Variants in OR2A14 observed in about 807,000 individuals in gnomAD.
OR2A14 encodes the protein olfactory receptor 2A14.
Under a neutral mutation model 2.4 loss-of-function variants are expected in OR2A14, and 2 were observed. That is an observed-to-expected ratio of 0.85 (90% CI 0.35 to 2.67). The LOEUF is 2.67. Among genes scored for constraint, OR2A14 ranks in the 30% most tolerant of loss-of-function variants. OR2A14 has a pLI of 0.10. For missense variants in OR2A14, 390 were observed against 379.4 expected (o/e 1.03, Z -0.23); for synonymous variants, 160 against 156.3 (o/e 1.02, Z -0.18).
Position 144,124,677 on chromosome 7 carries a change from C to T in OR2A14, c.-35+1413C>T, listed in dbSNP as rs191832565. 2.3e-3 allele frequency among the ~76,000 whole-genome samples: 351 copies of T among 152,124 alleles called. 2 individuals are homozygous for T. Among genetic ancestry groups the T allele is most frequent in the African/African-American group, 7.5e-3 (310 of 41,482 alleles). On this transcript the variant is annotated intron_variant, in intron 1 of 1. Coordinates refer to ENST00000641068, the MANE Select transcript of OR2A14 (RefSeq NM_001001659.3). ...GTGTCAGTGCTAAACACCCTAAATA[C>T]GCCCCCCTTTTCTTTCCAAAAAATT...
rs372256920 is a variant in OR2A14, at chr7:144,129,847, C to A, written c.735C>A (p.Cys245Ter). Residue 245 changes from cysteine (C) to a stop codon, truncating the protein, a stop_gained, in exon 2 of 2, where the codon TGC (cysteine) becomes TGA (stop). Transcript: ENST00000641068. LOFTEE classifies it high-confidence loss of function. ...KAFSTCSSHL[C>*]VVGLFFGSAI... ...TCTCCACCTGCTCCTCCCACCTTTG[C>A]GTGGTGGGACTCTTCTTTGGCAGCG... The A allele has an allele frequency of 3.1e-6, 5 of 1,614,106 alleles. No homozygotes were observed. Among genetic ancestry groups the A allele is most frequent in the African/African-American group, 2.7e-5 (2 of 74,944 alleles).
In OR2A14 at chr7:144,129,512, C is replaced by G; in HGVS notation, c.400C>G (p.Leu134Val). The change falls in exon 2 of 2, where the codon CTC (leucine) becomes GTC (valine). Residue 134 changes from leucine (L) to valine (V), a missense_variant. By Grantham distance (32) the Leu-to-Val change is conservative. Transcript: ENST00000641068. ...DICHPLRYNS[L>V]MSWRVCTVLA... is the part of the protein sequence containing the mutation. Reference sequence around the variant, plus strand: ...CTGCCACCCCTTACGTTACAATAGCCTCATGAGCTGGAGAGTGTGCACTGT... The same window carrying G: ...CTGCCACCCCTTACGTTACAATAGCGTCATGAGCTGGAGAGTGTGCACTGT... 1 of 1,614,158 alleles carries G rather than the reference C, an allele frequency of 6.2e-7. No individual in the cohort carries two copies. The highest frequency in any genetic ancestry group is 8.5e-7 in the Non-Finnish European group (1 of 1,180,018).
intron 1 of OR2A14, among the ~76,000 whole-genome samples, chr7:144,126,918 A>G (rs2051486194): frequency 6.6e-6 from 1 of 152,102 alleles, no homozygotes; most frequent in East Asian, 1.9e-4. Flanking sequence ...TCCCAAGCAG[A>G]TAGAAATGCA....
chr7:144,126,134 T>A lies in OR2A14; in HGVS notation c.-35+2870T>A, dbSNP rs546182912. Reference sequence around the variant, plus strand: ...GACAACTACCATTCTGGCATTAAAATTATATTGTGCAGAAAATTAAACAGT... The same window carrying A: ...GACAACTACCATTCTGGCATTAAAAATATATTGTGCAGAAAATTAAACAGT... On this transcript the variant is annotated intron_variant, in intron 1 of 1. Coordinates refer to ENST00000641068, the MANE Select transcript of OR2A14 (RefSeq NM_001001659.3). Among the ~76,000 whole-genome samples, 15 of 152,342 alleles carry A rather than the reference T, an allele frequency of 9.8e-5. No homozygotes were observed. In the East Asian group the frequency reaches 2.9e-3, roughly 29 times the overall value.
rs2961160 is a variant in OR2A14 at position 144,129,510 on chromosome 7, G to T, written c.398G>T (p.Ser133Ile). Reference sequence around the variant, plus strand: ...ATCTGCCACCCCTTACGTTACAATAGCCTCATGAGCTGGAGAGTGTGCACT... The same window carrying T: ...ATCTGCCACCCCTTACGTTACAATATCCTCATGAGCTGGAGAGTGTGCACT... ...ADICHPLRYN[S>I]LMSWRVCTVL... The change falls in exon 2 of 2, where the codon AGC (serine) becomes ATC (isoleucine). Residue 133 changes from serine to isoleucine, a missense_variant. Coordinates refer to ENST00000641068, the MANE Select transcript of OR2A14 (RefSeq NM_001001659.3). 893,659 of 1,613,308 alleles carry T rather than the reference G, an allele frequency of 0.55. 252,543 individuals carry two copies. Among genetic ancestry groups the T allele is most frequent in the Admixed American group, 0.75 (45,249 of 60,004 alleles).
intron 1 of OR2A14, among the ~76,000 whole-genome samples, 181 bp downstream of exon 1, chr7:144,123,445 T>C (rs1207566687): frequency 6.6e-6 from 1 of 152,160 alleles, no homozygotes; most frequent in Non-Finnish European, 1.5e-5. Context: ...GGGGCCACCG[T>C]CTATCCCAGG....
Position 144,129,111 on chromosome 7 carries a change from G to A in OR2A14, c.-2G>A. On this transcript the variant is annotated 5_prime_UTR_variant, in exon 2 of 2. Transcript: ENST00000641068. ...CTTCCTGTCCTAGATGTCCACAAGA[G>A]CATGGAAGGCAACAAGACATGGATC... is the stretch of plus-strand genomic sequence containing the variant. The A allele has an allele frequency of 6.2e-7, 1 of 1,610,650 alleles. No individual in the cohort carries two copies. Among genetic ancestry groups the A allele is most frequent in the Non-Finnish European group, 8.5e-7 (1 of 1,177,778 alleles).
chr7:144,130,270 T>C lies in OR2A14; in HGVS notation c.*225T>C, dbSNP rs2051522446. On this transcript the variant is annotated 3_prime_UTR_variant, in exon 2 of 2. Coordinates refer to ENST00000641068, the MANE Select transcript of OR2A14 (RefSeq NM_001001659.3). Reference sequence around the variant, plus strand: ...AAGAAGACACAAAAGTCCCTAGATATAAAATTTTTAAGTTCGATAAATATA... The same window carrying C: ...AAGAAGACACAAAAGTCCCTAGATACAAAATTTTTAAGTTCGATAAATATA... 1.0e-5 allele frequency: 4 copies of C among 382,002 alleles called. No homozygotes were observed. The South Asian group carries it at 1.8e-4, about 18-fold the overall frequency. 23.7% of individuals were successfully genotyped at this position (382,002 alleles called of 1,614,324 possible).
In OR2A14 at chr7:144,130,028, A is replaced by G. The variant is rs376568663; in HGVS notation, c.916A>G (p.Lys306Glu). Residue 306 changes from lysine to glutamate, a missense_variant, in exon 2 of 2, where the codon AAG becomes GAG. Transcript: ENST00000641068. ...GGGCGCCCTGAGGAGGGCACTGAGG[A>G]AGGAGAGGCTGACGTGAGACATCTC... is the stretch of plus-strand genomic sequence containing the variant. ...VKGALRRALRKERLT is the reference protein window; with the variant it reads ...VKGALRRALREERLT The G allele has an allele frequency of 5.5e-5, 89 of 1,611,934 alleles. No individual in the cohort carries two copies. The highest frequency in any genetic ancestry group is 7.4e-5 in the Non-Finnish European group (87 of 1,178,512).
In OR2A14 at chr7:144,130,154, A is replaced by G; in HGVS notation, c.*109A>G. 1.2e-6 allele frequency: 1 copy of G among 815,150 alleles called. No homozygotes were observed. The highest frequency in any genetic ancestry group is 2.0e-6 in the Non-Finnish European group (1 of 509,198). The allele number at this position is 815,150 out of a possible 1,614,324, so 50.5% of individuals were successfully genotyped here. Reference sequence around the variant, plus strand: ...AATAAATGCTACCTTAAACTGGAATACTATAGACCTATACATATAAACTGA... The same window carrying G: ...AATAAATGCTACCTTAAACTGGAATGCTATAGACCTATACATATAAACTGA... On this transcript the variant is annotated 3_prime_UTR_variant, in exon 2 of 2. Transcript: ENST00000641068.
intron 1 of OR2A14, among the ~76,000 whole-genome samples, chr7:144,124,416 C>A (rs1372396373): frequency 7.0e-6 from 1 of 141,978 alleles, no homozygotes; most frequent in African/African-American, 2.6e-5. Flanking sequence ...GAGCCGAGAT[C>A]TCACCATTGC....
chr7:144,125,418 T>C (rs187666182), intron 1 of OR2A14, among the ~76,000 whole-genome samples: 1 of 152,360 alleles, frequency 6.6e-6, no homozygotes, highest in East Asian at 1.9e-4. Context: ...TGATTCTTTA[T>C]TGAACTTCCA....
chr7:144,129,199 T>C lies in OR2A14; in HGVS notation c.87T>C (p.Leu29=), dbSNP rs780095799. ...CACTGGAGATTCTCCTCTGTGGACTTTTCTCTGCCTTCTATACACTCACCC... is the reference window on the plus strand; with the variant it reads ...CACTGGAGATTCTCCTCTGTGGACTCTTCTCTGCCTTCTATACACTCACCC... ...GPALEILLCG[L]FSAFYTLTLL... The change falls in exon 2 of 2, where the codon CTT becomes CTC. Residue 29 remains leucine (L), a synonymous_variant. Transcript: ENST00000641068. The C allele has an allele frequency of 3.1e-6, 5 of 1,613,270 alleles. No individual in the cohort carries two copies. Among genetic ancestry groups the C allele is most frequent in the Non-Finnish European group, 4.2e-6 (5 of 1,180,000 alleles).
chr7:144,126,307 A>G (rs994311383), intron 1 of OR2A14, among the ~76,000 whole-genome samples: 2 of 152,212 alleles, frequency 1.3e-5, no homozygotes, highest in Admixed American at 1.3e-4. Flanking sequence ...TCAATTTCAG[A>G]TTGTTAAAAA....
At chr7:144,125,877 T>A (rs1166323239) in intron 1 of OR2A14, among the ~76,000 whole-genome samples, 1 of 152,218 alleles carries the variant, frequency 6.6e-6, no homozygotes, top group East Asian at 1.9e-4. Context: ...ATTGTATTTA[T>A]TTGGTAATGA....
At chr7:144,124,287 A>AC (rs1228114940) in intron 1 of OR2A14, among the ~76,000 whole-genome samples, 2 of 152,122 alleles carry the variant, frequency 1.3e-5, no homozygotes, top group East Asian at 1.9e-4. Context: ...ACACGGAGAA[A>AC]CCCCATCTCT....
At position 144,130,440 on chromosome 7, in the gene OR2A14, TA is replaced by T. The variant is rs1563054568; in HGVS notation, c.*398del. 6.4e-6 allele frequency: 1 copy of T among 156,660 alleles called. No individual in the cohort carries two copies. The highest frequency in any genetic ancestry group is 2.4e-5 in the African/African-American group (1 of 41,520). 9.7% of individuals were successfully genotyped at this position (156,660 alleles called of 1,614,324 possible). On this transcript the variant is annotated 3_prime_UTR_variant, in exon 2 of 2. Coordinates refer to ENST00000641068, the MANE Select transcript of OR2A14 (RefSeq NM_001001659.3). ...ATACAGTACATAGAAAGAACTCCTT[TA>T]AATCAGCAATAAAAAATATAAACAA...
In OR2A14 at chr7:144,129,745, C is replaced by T. The variant is rs372184111; in HGVS notation, c.633C>T (p.Cys211=). The change falls in exon 2 of 2, where the codon TGC becomes TGT. Residue 211 remains cysteine (C), a synonymous_variant. Coordinates refer to ENST00000641068, the MANE Select transcript of OR2A14 (RefSeq NM_001001659.3). ...TGTTCATCCTGGTGGGGCCACTCTGCCTGGTGCTGGTCTCCTACTTGCGCA... is the reference window on the plus strand; with the variant it reads ...TGTTCATCCTGGTGGGGCCACTCTGTCTGGTGCTGGTCTCCTACTTGCGCA... ...ACVFILVGPL[C]LVLVSYLRIL... 2 of 1,614,024 alleles carry T rather than the reference C, an allele frequency of 1.2e-6. No individual in the cohort carries two copies. Among genetic ancestry groups the T allele is most frequent in the South Asian group, 1.1e-5 (1 of 91,066 alleles).
At chr7:144,128,652 ACATCT>A (rs557371788) in intron 1 of OR2A14, among the ~76,000 whole-genome samples, 5 of 152,236 alleles carry the variant, frequency 3.3e-5, no homozygotes, top group Non-Finnish European at 5.9e-5. Flanking sequence ...CCGTCCCTGC[ACATCT>A]CAGACTGAGA....
Sources: allele counts gnomAD v4.1 joint callset (sites outside exome capture counted in the v4.1 genomes callset), GRCh38; gene constraint gnomAD v4.1.1; transcripts MANE v1.5; gene names NCBI Gene and HGNC (gene_info 2026-07-23, HGNC 2026-07-21).